The following SLC5A12 variants were observed in gnomAD, a reference collection of about 807,000 sequenced individuals.
SLC5A12 encodes sodium-coupled monocarboxylate transporter 2.
A neutral mutation model predicts 72.7 loss-of-function variants in SLC5A12; 46 were observed. The observed-to-expected ratio is 0.63, with a 90% CI of 0.50 to 0.81. The LOEUF is 0.81. Ranked by LOEUF, SLC5A12 falls within the 30% of genes least tolerant of loss-of-function variation. SLC5A12 has a pLI of 0.00. For synonymous variants in SLC5A12, 275 were observed against 264.4 expected, an observed-to-expected ratio of 1.04 and a Z score of -0.39; for missense variants, 683 against 740.7, an observed-to-expected ratio of 0.92 and a Z score of 0.90.
At position 26,681,210 on chromosome 11, in the gene SLC5A12, T is replaced by A; in HGVS notation, c.1320A>T (p.Gly440=). The A allele has an allele frequency of 6.3e-7, 1 of 1,595,382 alleles. No homozygotes were observed. The highest frequency in any genetic ancestry group is 8.5e-7 in the Non-Finnish European group (1 of 1,171,674). The change falls in exon 12 of 15, where the codon GGA becomes GGT. Residue 440 remains glycine (G), a synonymous_variant. Transcript: ENST00000396005. Reference sequence around the variant, plus strand: ...ACAAGGTGATTCCAGTAAGAAGACCTCCTAGTGCACCCTGGATGAAGAAGA... The same window carrying A: ...ACAAGGTGATTCCAGTAAGAAGACCACCTAGTGCACCCTGGATGAAGAAGA... ...FPFVNWKGAL[G]GLLTGITLSF... is the part of the protein sequence containing the mutation.
At chr11:26,675,474 T>C (rs1057347244) in intron 13 of SLC5A12, among the ~76,000 whole-genome samples, 2 of 152,120 alleles carry the variant, frequency 1.3e-5, no homozygotes, top group Admixed American at 6.6e-5. Flanking sequence ...TGAGCATCAG[T>C]GGACTGCTGA....
At chr11:26,674,521 T>C (rs1052923611) in intron 13 of SLC5A12, among the ~76,000 whole-genome samples, 4 of 152,104 alleles carry the variant, frequency 2.6e-5, no homozygotes, top group Admixed American at 2.0e-4. Context: ...TGCCTCAGCC[T>C]CTGGAGTAGC....
At chr11:26,689,591 G>C (rs961540198) in intron 9 of SLC5A12, among the ~76,000 whole-genome samples, 9 of 151,990 alleles carry the variant, frequency 5.9e-5, no homozygotes, top group African/African-American at 2.2e-4. Context: ...TAAGTGGTTG[G>C]GTTACACAGG....
At chr11:26,678,211 C>T (rs527364595) in intron 13 of SLC5A12, among the ~76,000 whole-genome samples, 155 of 152,184 alleles carry the variant, frequency 1.0e-3, no homozygotes, top group Non-Finnish European at 1.8e-3. Context: ...AATCTTGTCT[C>T]TTACTGGGAT....
At chr11:26,683,950 C>G (rs936594145) in intron 10 of SLC5A12, 107 bp from the exon 11 acceptor site, 15 of 782,668 alleles carry the variant, frequency 1.9e-5, no homozygotes, top group African/African-American at 3.5e-5. Context: ...CTAGTCCTGA[C>G]TGTGCCATTT....
intron 14 of SLC5A12, among the ~76,000 whole-genome samples, chr11:26,671,802 T>C (rs1329626052): frequency 6.6e-6 from 1 of 152,174 alleles, no homozygotes; most frequent in Non-Finnish European, 1.5e-5. Flanking sequence ...GGAAATTCTA[T>C]CTTCCTGAGT....
chr11:26,687,061 A>G (rs1313295081), intron 9 of SLC5A12, among the ~76,000 whole-genome samples: 2 of 152,028 alleles, frequency 1.3e-5, no homozygotes, highest in Non-Finnish European at 2.9e-5. Flanking sequence ...TTTTTATATT[A>G]TCCTTATGGT....
chr11:26,689,124 G>A (rs1341889639), intron 9 of SLC5A12, among the ~76,000 whole-genome samples: 4 of 151,512 alleles, frequency 2.6e-5, no homozygotes, highest in African/African-American at 4.9e-5. Context: ...GGCTGGGTGC[G>A]GTGGCTCATG....
intron 13 of SLC5A12, among the ~76,000 whole-genome samples, chr11:26,676,440 A>G (rs1590706375): frequency 6.6e-6 from 1 of 152,090 alleles, no homozygotes; most frequent in African/African-American, 2.4e-5. Flanking sequence ...ATATAAAATA[A>G]TAGATTGATA....
chr11:26,718,599 C>T (rs557817749), intron 1 of SLC5A12, among the ~76,000 whole-genome samples: 18 of 151,204 alleles, frequency 1.2e-4, no homozygotes, highest in Admixed American at 2.0e-4. Flanking sequence ...ATTACATGTG[C>T]GCCACCATGC....
intron 13 of SLC5A12, among the ~76,000 whole-genome samples, chr11:26,674,820 A>G (rs988700075): frequency 2.6e-5 from 4 of 152,206 alleles, no homozygotes; most frequent in African/African-American, 9.7e-5. Context: ...TGATAATAAT[A>G]TTTATCAATT....
intron 14 of SLC5A12, among the ~76,000 whole-genome samples, chr11:26,672,252 T>C (rs911751664): frequency 6.6e-6 from 1 of 151,846 alleles, no homozygotes; most frequent in Non-Finnish European, 1.5e-5. Flanking sequence ...TCTGCTGTTT[T>C]CTGGAGATAA....
upstream of SLC5A12, among the ~76,000 whole-genome samples, chr11:26,722,942 C>T (rs541438774): frequency 1.3e-5 from 2 of 151,176 alleles, no homozygotes; most frequent in South Asian, 4.2e-4. Flanking sequence ...TAGAACGTAG[C>T]CTCCCTAGTA....
In SLC5A12 at chr11:26,712,646, G is replaced by C. The variant is rs751382394; in HGVS notation, c.400C>G (p.Gln134Glu). 7 of 1,575,776 alleles carry C rather than the reference G, an allele frequency of 4.4e-6. No individual in the cohort carries two copies. The highest frequency in any genetic ancestry group is 8.7e-7 in the Non-Finnish European group (1 of 1,152,286). ...CAGCAGCCATGACCACTTACCGTCT[G>C]TACAATGTAGATGACCGTGGCAGCA... ...RYAATVIYIV[Q>E]TILYTGVVVY... Residue 134 changes from glutamine (Q) to glutamate (E), a missense_variant, in exon 2 of 15, where the codon CAG (glutamine) becomes GAG (glutamate). By Grantham distance (29) the Gln-to-Glu change is conservative (BLOSUM62 2). Transcript: ENST00000396005.
intron 9 of SLC5A12, among the ~76,000 whole-genome samples, chr11:26,689,233 T>C (rs1384408900): frequency 6.6e-6 from 1 of 151,836 alleles, no homozygotes; most frequent in African/African-American, 2.4e-5. Flanking sequence ...CCGTTTCTAC[T>C]AAAAAAATAC....
At chr11:26,713,408 A>T (rs1476325953) in intron 1 of SLC5A12, among the ~76,000 whole-genome samples, 1 of 151,344 alleles carries the variant, frequency 6.6e-6, no homozygotes, top group Non-Finnish European at 1.5e-5. Context: ...TCTCAATATA[A>T]GAGCCCCTCT....
intron 7 of SLC5A12, among the ~76,000 whole-genome samples, chr11:26,698,032 G>A (rs910984674): frequency 6.6e-5 from 10 of 151,598 alleles, no homozygotes; most frequent in African/African-American, 2.4e-4. Flanking sequence ...TGAGTAGCTG[G>A]GATTACAGGT....
intron 9 of SLC5A12, among the ~76,000 whole-genome samples, chr11:26,688,084 C>T (rs146899262): frequency 3.9e-5 from 6 of 152,044 alleles, no homozygotes; most frequent in Non-Finnish European, 7.4e-5. Context: ...TTTTTTGTGC[C>T]GACTAGAGAA....
At chr11:26,674,387 A>T (rs1044284763) in intron 13 of SLC5A12, among the ~76,000 whole-genome samples, 4 of 145,802 alleles carry the variant, frequency 2.7e-5, no homozygotes, top group Admixed American at 1.3e-4. Flanking sequence ...CAAAAAAAAT[A>T]AAAAAATGTA....
Sources: gnomAD v4.1 joint callset for allele counts (sites outside exome capture counted in the v4.1 genomes callset) on GRCh38, gnomAD v4.1.1 for gene constraint, MANE v1.5 for transcripts, NCBI Gene and HGNC (gene_info 2026-07-23, HGNC 2026-07-21) for gene names.